The following PCNT variants were observed in gnomAD, a reference collection of about 807,000 sequenced individuals.
PCNT encodes the protein pericentrin, also known as kendrin.
Under a neutral mutation model 380.4 loss-of-function variants are expected in PCNT, and 319 were observed. The ratio of observed to expected loss-of-function variants is 0.84; its 90% confidence interval spans 0.77 to 0.92. PCNT has a LOEUF of 0.92. PCNT is among the 40% of genes least tolerant of loss of function. The probability of loss-of-function intolerance (pLI) is 0.00; values close to 1 mark genes in which losing one functional copy is unlikely to be tolerated. For synonymous variants in PCNT, 1,845 were observed against 1,735.2 expected (o/e 1.06, Z -1.57); for missense variants, 4,400 against 4,255.3 (o/e 1.03, Z -0.95).
In PCNT at chr21:46,349,695, A is replaced by AAG; in HGVS notation, c.1220_1221insGA (p.Asn407LysfsTer26). On this transcript the variant is annotated frameshift_variant, in exon 8 of 47. Transcript: ENST00000359568. LOFTEE classifies it high-confidence loss of function. Reference sequence around the variant, plus strand: ...CTTTACCTTTCTAGGGGCCCTTAGGAACCTGGAGAGTCATCATCAAGCAGC... The same window carrying AAG: ...CTTTACCTTTCTAGGGGCCCTTAGGAAGACCTGGAGAGTCATCATCAAGCAGC... 1.2e-6 allele frequency: 2 copies of AAG among 1,614,062 alleles called. No homozygotes were observed. The highest frequency in any genetic ancestry group is 1.7e-6 in the Non-Finnish European group (2 of 1,179,956).
rs746173809 is a variant in PCNT, at chr21:46,349,002, T to G, written c.1033-10T>G. The G allele has an allele frequency of 6.5e-7, 1 of 1,537,984 alleles. No homozygotes were observed. The highest frequency in any genetic ancestry group is 9.0e-7 in the Non-Finnish European group (1 of 1,111,604). Reference sequence around the variant, plus strand: ...ACTATTGAGTTTAATTTTTTTTTCTTTTAAATTAGACCCTGAAGGAAGATT... The same window carrying G: ...ACTATTGAGTTTAATTTTTTTTTCTGTTAAATTAGACCCTGAAGGAAGATT... On this transcript the variant is annotated splice_polypyrimidine_tract_variant and intron_variant, in intron 6 of 46. Coordinates refer to ENST00000359568, the MANE Select transcript of PCNT (RefSeq NM_006031.6).
At chr21:46,427,517 A>G (rs2087558535) in intron 33 of PCNT, 105 bp from the exon 34 acceptor site, 1 of 1,284,114 alleles carries the variant, frequency 7.8e-7, no homozygotes, top group Non-Finnish European at 1.1e-6. Flanking sequence ...ACCCTGAATC[A>G]CCTCCCGCAG....
Position 46,366,850 on chromosome 21 carries a change from C to T in PCNT, c.2876C>T (p.Ala959Val). 1 of 1,614,068 alleles carries T rather than the reference C, an allele frequency of 6.2e-7. No homozygotes were observed. Among genetic ancestry groups the T allele is most frequent in the Non-Finnish European group, 8.5e-7 (1 of 1,180,040 alleles). The stretch of plus-strand genomic sequence containing the variant: ...ACAAAACACGCTGCCGACCTCGGCG[C>T]TCTGGAGACCAGACATCTGTCCAGC... ...LQTKHAADLG[A>V]LETRHLSSLD... is the part of the protein sequence containing the mutation. The change falls in exon 15 of 47, where the codon GCT becomes GTT. Residue 959 changes from alanine to valine, a missense_variant. Ala to Val is a moderately conservative substitution (Grantham distance 64). Coordinates refer to ENST00000359568, the MANE Select transcript of PCNT (RefSeq NM_006031.6).
At chr21:46,368,641 C>T (rs892599960) in intron 15 of PCNT, among the ~76,000 whole-genome samples, 4 of 152,206 alleles carry the variant, frequency 2.6e-5, no homozygotes, top group Non-Finnish European at 5.9e-5. Context: ...AGTGAGGTCT[C>T]TGAGGTTTTC....
At chr21:46,348,806 G>C (rs1221643099) in intron 6 of PCNT, among the ~76,000 whole-genome samples, 1 of 151,154 alleles carries the variant, frequency 6.6e-6, no homozygotes, top group African/African-American at 2.4e-5. Context: ...TTTTTGTAGA[G>C]ATGGGGTCTC....
intron 33 of PCNT, among the ~76,000 whole-genome samples, chr21:46,427,057 G>A (rs1031296867): frequency 5.3e-5 from 8 of 152,216 alleles, no homozygotes; most frequent in African/African-American, 1.9e-4. Flanking sequence ...GCTGCCCCTG[G>A]GGACCAGCGG....
intron 10 of PCNT, among the ~76,000 whole-genome samples, chr21:46,353,715 GGTGTGTGTGTGTGTGTGTGTGT>G (rs72175446): frequency 7.8e-6 from 1 of 128,962 alleles, no homozygotes; most frequent in South Asian, 2.6e-4. Context: ...CTCTCCTCCA[GGTGTGTGTGTGTGTGTGTGTGT>G]GTGTGTGTGT....
At chr21:46,332,417 C>T (rs2083587422) in intron 2 of PCNT, among the ~76,000 whole-genome samples, 1 of 152,108 alleles carries the variant, frequency 6.6e-6, no homozygotes, top group African/African-American at 2.4e-5. Flanking sequence ...AAGAATAAAG[C>T]AATAATTTAA....
In PCNT at chr21:46,388,007, G is replaced by A. The variant is rs368230816; in HGVS notation, c.3465-735G>A. On this transcript the variant is annotated intron_variant, in intron 17 of 46. Coordinates refer to ENST00000359568, the MANE Select transcript of PCNT (RefSeq NM_006031.6). This position sits in a 1 kb window ranked among gnomAD's most constrained non-coding sequence, Gnocchi z 4.2. Reference sequence around the variant, plus strand: ...GGGTGGATCATGAGGTCAGGAGATCGAGACCATCCTGGCTAACATGGTGAA... The same window carrying A: ...GGGTGGATCATGAGGTCAGGAGATCAAGACCATCCTGGCTAACATGGTGAA... Among the ~76,000 whole-genome samples, 1 of 151,980 alleles carries A rather than the reference G, an allele frequency of 6.6e-6. No individual in the cohort carries two copies. The highest frequency in any genetic ancestry group is 1.5e-5 in the Non-Finnish European group (1 of 67,972).
chr21:46,373,749 T>TG (rs1555966220), intron 15 of PCNT, among the ~76,000 whole-genome samples: 21 of 81,230 alleles, frequency 2.6e-4, no homozygotes, highest in African/African-American at 5.4e-4. Context: ...TTTTTTTTTT[T>TG]GGGCGGAGTC....
In PCNT at chr21:46,388,166, T is replaced by A. The variant is rs1460325347; in HGVS notation, c.3465-576T>A. Among the ~76,000 whole-genome samples, 1 of 150,848 alleles carries A rather than the reference T, an allele frequency of 6.6e-6. No individual in the cohort carries two copies. The highest frequency in any genetic ancestry group is 1.5e-5 in the Non-Finnish European group (1 of 67,786). ...TGGAGCTTGCAGTGAGCCAAGATCG[T>A]GCCACTGCACTCCAGCCTGGGCGAC... On this transcript the variant is annotated intron_variant, in intron 17 of 46. Transcript: ENST00000359568. The surrounding 1 kb of genome is among the most constrained non-coding windows in gnomAD (Gnocchi z 4.2).
chr21:46,369,839 G>T (rs2085054534), intron 15 of PCNT, among the ~76,000 whole-genome samples: 1 of 152,208 alleles, frequency 6.6e-6, no homozygotes, highest in African/African-American at 2.4e-5. Flanking sequence ...TGGACAGGGT[G>T]GGTGCCAAGG....
chr21:46,332,540 GAT>G (rs1420154967), intron 2 of PCNT, among the ~76,000 whole-genome samples: 1 of 152,218 alleles, frequency 6.6e-6, no homozygotes, highest in Non-Finnish European at 1.5e-5. Flanking sequence ...TTTGAAGTGT[GAT>G]CATTCATGTG....
chr21:46,413,619 C>T (rs921105014), intron 29 of PCNT, among the ~76,000 whole-genome samples: 2 of 152,186 alleles, frequency 1.3e-5, no homozygotes, highest in Non-Finnish European at 2.9e-5. Context: ...TAACTGTGCT[C>T]GAGGGTTAGT....
At chr21:46,398,581 C>A (rs921796425) in intron 24 of PCNT, among the ~76,000 whole-genome samples, 2 of 152,242 alleles carry the variant, frequency 1.3e-5, no homozygotes, top group Non-Finnish European at 2.9e-5. Context: ...TTCTGCCCCC[C>A]ACGGACCCTC....
intron 37 of PCNT, 196 bp downstream of exon 37, chr21:46,430,853 G>C (rs924658881): frequency 1.4e-5 from 14 of 985,364 alleles, no homozygotes; most frequent in Non-Finnish European, 1.7e-5. Context: ...ACAGGGCGAA[G>C]AGTGCGATGA....
chr21:46,334,520 G>A lies in PCNT; in HGVS notation c.391G>A (p.Gly131Arg), dbSNP rs764829136. 6.2e-7 allele frequency: 1 copy of A among 1,601,828 alleles called. No homozygotes were observed. The highest frequency in any genetic ancestry group is 8.5e-7 in the Non-Finnish European group (1 of 1,171,524). ...CAGTGACCACCCACCAGAACAGCAT[G>A]GGATGTTCACAGTCGGTGACCACCC... The part of the protein sequence containing the change: ...TVSDHPPEQH[G>R]MFTVGDHPPE... Residue 131 changes from glycine (G) to arginine (R), a missense_variant, in exon 3 of 47, where the codon GGG becomes AGG. Physicochemically the swap from Gly to Arg is moderately radical, Grantham distance 125 (BLOSUM62 -2). Transcript: ENST00000359568.
Position 46,416,283 on chromosome 21 carries a change from T to C in PCNT, c.6365T>C (p.Ile2122Thr). The C allele has an allele frequency of 6.2e-7, 1 of 1,614,072 alleles. No homozygotes were observed. The highest frequency in any genetic ancestry group is 1.1e-5 in the South Asian group (1 of 91,088). Residue 2122 changes from isoleucine (I) to threonine (T), a missense_variant, in exon 30 of 47, where the codon ATA (isoleucine) becomes ACA (threonine). Coordinates refer to ENST00000359568, the MANE Select transcript of PCNT (RefSeq NM_006031.6). ...DDSCDGEEPD[I>T]SPHIDTCDAN... ...TCCTGTGACGGAGAAGAGCCTGACATATCACCCCACATAGACACATGTGAT... is the reference window on the plus strand; with the variant it reads ...TCCTGTGACGGAGAAGAGCCTGACACATCACCCCACATAGACACATGTGAT...
chr21:46,341,850 T>A (rs2083918408), intron 3 of PCNT, among the ~76,000 whole-genome samples: 1 of 151,994 alleles, frequency 6.6e-6, no homozygotes, highest in Non-Finnish European at 1.5e-5. Flanking sequence ...GGCAAATTTT[T>A]AAATATTTTG....
Sources: allele counts gnomAD v4.1 joint callset (sites outside exome capture counted in the v4.1 genomes callset), GRCh38; gene constraint gnomAD v4.1.1; non-coding constraint Gnocchi (gnomAD v3.1); transcripts MANE v1.5; gene names NCBI Gene and HGNC (gene_info 2026-07-23, HGNC 2026-07-21).